Variants in NEK11 observed in about 807,000 individuals in gnomAD.
The protein encoded by NEK11 is serine/threonine-protein kinase Nek11.
NEK11 carries 72 observed loss-of-function variants against 80.7 expected under a neutral mutation model. That is an observed-to-expected ratio of 0.89 (90% confidence interval 0.74 to 1.08). NEK11 has a LOEUF of 1.08. Among genes scored for constraint, NEK11 ranks in the 50% least tolerant of loss-of-function variants. The pLI, the probability that NEK11 is intolerant of heterozygous loss-of-function variation, is 0.00. For synonymous variants in NEK11, 251 were observed against 260.7 expected, an observed-to-expected ratio of 0.96 and a Z score of 0.36; for missense variants, 764 against 763.6, an observed-to-expected ratio of 1.00 and a Z score of -0.01.
intron 3 of NEK11, among the ~76,000 whole-genome samples, chr3:131,063,084 G>A (rs565744950): frequency 6.0e-4 from 92 of 152,322 alleles, no homozygotes; most frequent in Non-Finnish European, 1.2e-3. Context: ...GAGTGCAGTG[G>A]CACAATCACT....
At chr3:131,273,169 A>G (rs1481990498) in intron 16 of NEK11, among the ~76,000 whole-genome samples, 1 of 152,220 alleles carries the variant, frequency 6.6e-6, no homozygotes, top group Non-Finnish European at 1.5e-5. Context: ...GCTTTTCTAT[A>G]GATACATTTC....
chr3:131,262,561 T>C (rs2108496207), intron 16 of NEK11, among the ~76,000 whole-genome samples: 1 of 152,316 alleles, frequency 6.6e-6, no homozygotes, highest in African/African-American at 2.4e-5. Context: ...AGTACAATGT[T>C]ATATAAAAAT....
At chr3:131,088,355 A>G (rs934903697) in intron 4 of NEK11, among the ~76,000 whole-genome samples, 3 of 152,222 alleles carry the variant, frequency 2.0e-5, no homozygotes, top group African/African-American at 7.2e-5. Context: ...CTTTTAATGA[A>G]AAACAATAAA....
intron 17 of NEK11, among the ~76,000 whole-genome samples, chr3:131,311,963 G>A (rs773884152): frequency 2.0e-5 from 3 of 152,136 alleles, no homozygotes; most frequent in South Asian, 2.1e-4. Flanking sequence ...GTTGGGTAAC[G>A]TATCTTAGGA....
chr3:131,044,443 A>AAGG (rs71627025), intron 3 of NEK11, among the ~76,000 whole-genome samples: 1 of 83,614 alleles, frequency 1.2e-5, no homozygotes, highest in East Asian at 4.1e-4. Context: ...AAAAAAAAAA[A>AAGG]GGTGGGGGGG....
At chr3:131,152,188 CT>C (rs1433706141) in intron 7 of NEK11, among the ~76,000 whole-genome samples, 199 bp from the exon 8 acceptor site, 1 of 151,062 alleles carries the variant, frequency 6.6e-6, no homozygotes, top group African/African-American at 2.4e-5. Flanking sequence ...GTGCTTTATT[CT>C]TTCACTTTTT....
At chr3:131,136,475 A>G (rs1325627849) in intron 7 of NEK11, among the ~76,000 whole-genome samples, 2 of 152,184 alleles carry the variant, frequency 1.3e-5, no homozygotes, top group East Asian at 1.9e-4. Flanking sequence ...ACACTTATGA[A>G]TAATTGACAG....
Position 131,273,535 on chromosome 3 carries a change from A to G in NEK11, c.1679A>G (p.Asn560Ser). The change falls in exon 17 of 18, where the codon AAC becomes AGC. Residue 560 changes from asparagine (N) to serine (S), a missense_variant. Coordinates refer to ENST00000383366, the MANE Select transcript of NEK11 (RefSeq NM_024800.5). ...EDMSPGPPIF[N>S]SVMARTKMKR... ...ATGTCCCCAGGACCACCAATTTTCA[A>G]CAGTGTGATGGCCAGGACCAAGATG... The G allele has an allele frequency of 1.9e-6, 3 of 1,614,062 alleles. No individual in the cohort carries two copies. The highest frequency in any genetic ancestry group is 2.5e-6 in the Non-Finnish European group (3 of 1,179,926).
chr3:131,253,865 G>T (rs1284822328), intron 16 of NEK11, among the ~76,000 whole-genome samples: 1 of 152,146 alleles, frequency 6.6e-6, no homozygotes, highest in Non-Finnish European at 1.5e-5. Context: ...TTGATTACTG[G>T]AACTTCTTTC....
chr3:131,295,234 A>G (rs2096581285), intron 17 of NEK11, among the ~76,000 whole-genome samples: 1 of 151,908 alleles, frequency 6.6e-6, no homozygotes, highest in African/African-American at 2.4e-5. Context: ...TTGAATAGTC[A>G]GTATAGGTTG....
At chr3:131,043,073 A>G (rs1209571811) in intron 3 of NEK11, among the ~76,000 whole-genome samples, 1 of 152,264 alleles carries the variant, frequency 6.6e-6, no homozygotes, top group African/African-American at 2.4e-5. Context: ...ATCAACATCA[A>G]CAAAAAGGAT....
At chr3:131,272,112 G>C (rs1249558004) in intron 16 of NEK11, among the ~76,000 whole-genome samples, 2 of 152,074 alleles carry the variant, frequency 1.3e-5, no homozygotes, top group African/African-American at 4.8e-5. Context: ...AAAAAAAGAA[G>C]AAGAAAAAGT....
chr3:131,258,871 T>C (rs2095863123), intron 16 of NEK11, among the ~76,000 whole-genome samples: 1 of 152,190 alleles, frequency 6.6e-6, no homozygotes, highest in Non-Finnish European at 1.5e-5. Context: ...TTAATTTTGG[T>C]GTAGGCAGTG....
At chr3:131,342,265 T>C (rs960032502) in intron 17 of NEK11, among the ~76,000 whole-genome samples, 5 of 152,356 alleles carry the variant, frequency 3.3e-5, no homozygotes, top group Admixed American at 2.6e-4. Context: ...TTTAAACCTC[T>C]TTCTGTAAAA....
At chr3:131,099,125 G>C (rs915232617) in intron 4 of NEK11, among the ~76,000 whole-genome samples, 3 of 152,146 alleles carry the variant, frequency 2.0e-5, no homozygotes, top group Non-Finnish European at 4.4e-5. Flanking sequence ...TAAAATCTTT[G>C]ATCAATCTTG....
At chr3:131,286,904 G>T (rs1247367884) in intron 17 of NEK11, among the ~76,000 whole-genome samples, 1 of 152,218 alleles carries the variant, frequency 6.6e-6, no homozygotes, top group Non-Finnish European at 1.5e-5. Flanking sequence ...GACCCTTGGG[G>T]TGTGAGGGGC....
intron 5 of NEK11, among the ~76,000 whole-genome samples, chr3:131,110,195 C>T (rs1227350626): frequency 1.3e-5 from 2 of 152,124 alleles, no homozygotes; most frequent in Non-Finnish European, 2.9e-5. Flanking sequence ...TATGTCTGAT[C>T]ATGTCCTGTG....
At chr3:131,173,529 T>C (rs1363003982) in intron 14 of NEK11, among the ~76,000 whole-genome samples, 1 of 150,802 alleles carries the variant, frequency 6.6e-6, no homozygotes, top group Non-Finnish European at 1.5e-5. Context: ...AGTGGTTTGC[T>C]TAAGGACCAC....
At chr3:131,260,700 T>C (rs2095901752) in intron 16 of NEK11, among the ~76,000 whole-genome samples, 1 of 151,572 alleles carries the variant, frequency 6.6e-6, no homozygotes, top group Non-Finnish European at 1.5e-5. Context: ...TTCCAAGGAG[T>C]AGGAGGAGAA....
Sources: allele counts gnomAD v4.1 joint callset (sites outside exome capture counted in the v4.1 genomes callset), GRCh38; gene constraint gnomAD v4.1.1; transcripts MANE v1.5; gene names NCBI Gene and HGNC (gene_info 2026-07-23, HGNC 2026-07-21).